The following TTC7B variants were observed in gnomAD, a reference collection of about 807,000 sequenced individuals.
TTC7B encodes tetratricopeptide repeat protein 7B.
In TTC7B, 28 loss-of-function variants were observed where a neutral mutation model predicts 106.8. The observed-to-expected ratio is 0.26, with a 90% confidence interval of 0.19 to 0.36. The LOEUF is 0.36. Ranked by LOEUF, TTC7B falls within the 10% of genes least tolerant of loss-of-function variation. The pLI, the probability that TTC7B is intolerant of heterozygous loss-of-function variation, is 1.00. For missense variants in TTC7B, 862 were observed against 1,076.4 expected (o/e 0.80, Z 2.79); for synonymous variants, 405 against 430.6 (o/e 0.94, Z 0.74).
At chr14:90,809,894 A>T (rs761397443) in intron 1 of TTC7B, among the ~76,000 whole-genome samples, 1 of 152,270 alleles carries the variant, frequency 6.6e-6, no homozygotes, top group Non-Finnish European at 1.5e-5. Flanking sequence ...CACCACCAGC[A>T]ACAGAAAACA....
intron 4 of TTC7B, among the ~76,000 whole-genome samples, chr14:90,740,494 C>CTTTTTTTTTTTTTT (rs71461924): frequency 3.8e-5 from 3 of 78,314 alleles, no homozygotes; most frequent in African/African-American, 4.9e-5. Flanking sequence ...AATTCTTTGA[C>CTTTTTTTTTTTTTT]TTTTTTTTTT....
chr14:90,595,059 C>A (rs953643617), intron 17 of TTC7B, among the ~76,000 whole-genome samples: 5 of 152,190 alleles, frequency 3.3e-5, no homozygotes, highest in Admixed American at 2.0e-4. Flanking sequence ...AGTGGCCGGG[C>A]GCGGTGGCTC....
chr14:90,614,133 T>C (rs1433785816), intron 16 of TTC7B, among the ~76,000 whole-genome samples: 4 of 152,146 alleles, frequency 2.6e-5, no homozygotes, highest in African/African-American at 7.2e-5. Context: ...CAGGGGCAGA[T>C]GAGAGAGGAA....
At chr14:90,702,053 C>T (rs950362097) in intron 5 of TTC7B, among the ~76,000 whole-genome samples, 3 of 152,100 alleles carry the variant, frequency 2.0e-5, no homozygotes, top group African/African-American at 7.2e-5. Flanking sequence ...CCCGGGAATC[C>T]ATATGTTTAT....
intron 1 of TTC7B, among the ~76,000 whole-genome samples, chr14:90,796,736 C>T (rs2029895063): frequency 6.6e-6 from 1 of 152,194 alleles, no homozygotes; most frequent in African/African-American, 2.4e-5. Context: ...CAAACCATTC[C>T]TGCTGCAGCT....
chr14:90,561,648 A>G (rs954280136), intron 19 of TTC7B, among the ~76,000 whole-genome samples: 4 of 152,226 alleles, frequency 2.6e-5, no homozygotes, highest in Non-Finnish European at 4.4e-5. Flanking sequence ...GACTTGCCCA[A>G]GGGCCCCAGC....
In TTC7B at chr14:90,647,032, G is replaced by GT. The variant is rs1431136959; in HGVS notation, c.1518-10dup. On this transcript the variant is annotated splice_polypyrimidine_tract_variant and intron_variant, in intron 13 of 19. Transcript: ENST00000328459. ...GTGACAGGCTGTGGGCCCTGAAAAA[G>GT]TATTTACGGCTATTAGTACATGGGA... The GT allele has an allele frequency of 1.9e-6, 3 of 1,614,016 alleles. No homozygotes were observed. The highest frequency in any genetic ancestry group is 2.5e-6 in the Non-Finnish European group (3 of 1,179,904).
intron 6 of TTC7B, 87 bp from the exon 7 acceptor site, chr14:90,689,799 C>T (rs934856276): frequency 1.4e-6 from 2 of 1,466,992 alleles, no homozygotes; most frequent in Admixed American, 4.3e-5. Flanking sequence ...TTTATATCAT[C>T]ACATTGTGCT....
Position 90,644,104 on chromosome 14 carries a change from G to A in TTC7B, c.1695C>T (p.Tyr565=), listed in dbSNP as rs1221713224. ...LALLLSAQKH[Y]HDALNIIDMA... ...TGTCGATGATGTTCAGAGCGTCATGGTAATGCTTCTGTGCTGACAGCAGGA... is the reference window on the plus strand; with the variant it reads ...TGTCGATGATGTTCAGAGCGTCATGATAATGCTTCTGTGCTGACAGCAGGA... Residue 565 remains tyrosine (Y), a synonymous_variant, in exon 15 of 20, where the codon TAC becomes TAT. Transcript: ENST00000328459. 1 of 1,614,144 alleles carries A rather than the reference G, an allele frequency of 6.2e-7. No homozygotes were observed. Among genetic ancestry groups the A allele is most frequent in the East Asian group, 2.2e-5 (1 of 44,866 alleles).
chr14:90,808,215 GGAA>G lies in TTC7B; in HGVS notation c.121+7957_121+7959del, dbSNP rs1441120120. 1.3e-5 allele frequency among the ~76,000 whole-genome samples: 2 copies of G among 152,178 alleles called. No individual in the cohort carries two copies. The highest frequency in any genetic ancestry group is 4.8e-5 in the African/African-American group (2 of 41,426). On this transcript the variant is annotated intron_variant, in intron 1 of 19. Coordinates refer to ENST00000328459, the MANE Select transcript of TTC7B (RefSeq NM_001010854.2). This position sits in a 1 kb window ranked among gnomAD's most constrained non-coding sequence, Gnocchi z 4.2. The stretch of plus-strand genomic sequence containing the variant: ...AATCCCAGCACTTTGGGAGGCCGAG[GGAA>G]GAAGATCACTTGAGCCCAGGAGTTC...
At position 90,765,600 on chromosome 14, in the gene TTC7B, A is replaced by G. The variant is rs1002374748; in HGVS notation, c.445+15138T>C. ...GTACTGGCACAATCTGTTCAATATA[A>G]CTATTTTGGAACTCCAGGGTCTCTT... On this transcript the variant is annotated intron_variant, in intron 3 of 19. Transcript: ENST00000328459. Among the ~76,000 whole-genome samples the G allele has an allele frequency of 3.9e-5, 6 of 152,218 alleles. No individual in the cohort carries two copies. In the East Asian group the frequency reaches 1.2e-3, roughly 29 times the overall value.
intron 1 of TTC7B, among the ~76,000 whole-genome samples, chr14:90,793,533 A>AG (rs1418213713): frequency 6.6e-6 from 1 of 151,270 alleles, no homozygotes; most frequent in Non-Finnish European, 1.5e-5. Flanking sequence ...TCAAAAAAAA[A>AG]AAAAAAGAAT....
chr14:90,703,346 C>T (rs1473807596), intron 5 of TTC7B, among the ~76,000 whole-genome samples: 1 of 152,174 alleles, frequency 6.6e-6, no homozygotes, highest in Admixed American at 6.6e-5. Flanking sequence ...TCTGGCCACC[C>T]TGTCCATCCC....
chr14:90,681,746 C>T (rs1887057050), intron 7 of TTC7B, among the ~76,000 whole-genome samples: 2 of 152,216 alleles, frequency 1.3e-5, no homozygotes, highest in African/African-American at 4.8e-5. Context: ...CAGTGACTTG[C>T]TTCAGAAGTC....
intron 5 of TTC7B, among the ~76,000 whole-genome samples, chr14:90,707,734 C>A (rs1016314098): frequency 1.3e-5 from 2 of 152,154 alleles, no homozygotes; most frequent in African/African-American, 4.8e-5. Flanking sequence ...TAGAGCAAGG[C>A]CCTAATTCTC....
intron 4 of TTC7B, among the ~76,000 whole-genome samples, chr14:90,735,568 C>G (rs1027905206): frequency 1.3e-5 from 2 of 149,896 alleles, no homozygotes; most frequent in Non-Finnish European, 3.0e-5. Flanking sequence ...GAGAATAAAA[C>G]CACCTACTGG....
chr14:90,583,213 T>G (rs760330843), intron 18 of TTC7B, among the ~76,000 whole-genome samples: 1 of 152,202 alleles, frequency 6.6e-6, no homozygotes, highest in African/African-American at 2.4e-5. Flanking sequence ...GCCCCTCACA[T>G]AGAAACAGTA....
intron 17 of TTC7B, among the ~76,000 whole-genome samples, chr14:90,610,345 G>A (rs1376774634): frequency 6.6e-6 from 1 of 152,254 alleles, no homozygotes; most frequent in Non-Finnish European, 1.5e-5. Flanking sequence ...GTCTTGTGCT[G>A]GGTGTATGTG....
At chr14:90,749,345 T>C (rs529323135) in intron 3 of TTC7B, among the ~76,000 whole-genome samples, 37 of 152,094 alleles carry the variant, frequency 2.4e-4, no homozygotes, top group African/African-American at 7.7e-4. Flanking sequence ...TATTAGGCCA[T>C]GTGAAGTTGT....
Sources: allele counts gnomAD v4.1 joint callset (sites outside exome capture counted in the v4.1 genomes callset), GRCh38; gene constraint gnomAD v4.1.1; non-coding constraint Gnocchi (gnomAD v3.1); transcripts MANE v1.5; gene names NCBI Gene and HGNC (gene_info 2026-07-23, HGNC 2026-07-21).